MARF1: variants seen among roughly 807,000 people sequenced by gnomAD.
The protein encoded by MARF1 is limkain-b1.
In MARF1, 24 loss-of-function variants were observed where a neutral mutation model predicts 168.2. That is an observed-to-expected ratio of 0.14 (90% CI 0.10 to 0.20). The LOEUF is 0.20. MARF1 is among the 10% of genes least tolerant of loss of function. The pLI is 1.00. For synonymous variants in MARF1, 868 were observed against 822.4 expected (o/e 1.06, Z -0.95); for missense variants, 1,744 against 2,143.6 (o/e 0.81, Z 3.68).
intron 20 of MARF1, among the ~76,000 whole-genome samples, chr16:15,609,100 A>T (rs1462338236): frequency 6.6e-6 from 1 of 152,134 alleles, no homozygotes; most frequent in Non-Finnish European, 1.5e-5. Flanking sequence ...TTAGCTGGGC[A>T]TGGTGGCGGG....
rs527355658 is a variant in MARF1 at position 15,600,586 on chromosome 16, T to C, written c.4688-33A>G. On this transcript the variant is annotated intron_variant, in intron 24 of 26. Transcript: ENST00000396368. ...ACAAAGAGCACCCGTCAGAGAGAAA[T>C]GTCAGTGAGAGAACCGTGATTTTTT... 13 of 1,614,146 alleles carry C rather than the reference T, an allele frequency of 8.1e-6. No homozygotes were observed. In the East Asian group the frequency reaches 1.6e-4, roughly 19 times the overall value.
At chr16:15,625,287 C>G (rs2034768168) in intron 8 of MARF1, 85 bp downstream of exon 8, 1 of 1,547,194 alleles carries the variant, frequency 6.5e-7, no homozygotes, top group African/African-American at 1.4e-5. Flanking sequence ...CAAAAAGGGA[C>G]ACGCCAAAAG....
At chr16:15,612,495 G>T in intron 17 of MARF1, 62 bp downstream of exon 17, 2 of 1,397,684 alleles carry the variant, frequency 1.4e-6, no homozygotes, top group Non-Finnish European at 1.0e-6. Flanking sequence ...TTTGATGGAG[G>T]CAGCCAAAGC....
At position 15,625,394 on chromosome 16, in the gene MARF1, T is replaced by G. The variant is rs2034775641; in HGVS notation, c.1931A>C (p.Asn644Thr). 4 of 1,603,878 alleles carry G rather than the reference T, an allele frequency of 2.5e-6. No individual in the cohort carries two copies. Among genetic ancestry groups the G allele is most frequent in the African/African-American group, 2.7e-5 (2 of 74,254 alleles). ...SQANSGSATK[N>T]TNVKSLQELC... ...TACCTGTAAACTTTTAACATTTGTA[T>G]TTTTTGTAGCAGATCCAGAATTTGC... is the stretch of plus-strand genomic sequence containing the variant. The change falls in exon 8 of 27, where the codon AAT becomes ACT. Residue 644 changes from asparagine (N) to threonine (T), a missense_variant. Asn to Thr is a moderately conservative substitution (Grantham distance 65). Transcript: ENST00000396368.
In MARF1 at chr16:15,624,787, G is replaced by T. The variant is rs1465301155; in HGVS notation, c.2252C>A (p.Ser751Tyr). Residue 751 changes from serine to tyrosine, a missense_variant, in exon 10 of 27, where the codon TCT (serine) becomes TAT (tyrosine). Ser to Tyr is a moderately radical substitution (Grantham distance 144, BLOSUM62 -2). Transcript: ENST00000396368. Reference protein sequence around the residue: ...ASRQVSPLLASQSWSSRSMSP... With the variant: ...ASRQVSPLLAYQSWSSRSMSP... ...GACTCACCTAGAAGACCAAGACTGA[G>T]ATGCGAGCAGAGGACTGACTTGCCT... 6.2e-7 allele frequency: 1 copy of T among 1,614,176 alleles called. No homozygotes were observed. The highest frequency in any genetic ancestry group is 1.7e-5 in the Admixed American group (1 of 60,026).
chr16:15,602,179 C>T lies in MARF1; in HGVS notation c.4438G>A (p.Glu1480Lys), dbSNP rs1244080331. 1.2e-6 allele frequency: 2 copies of T among 1,614,154 alleles called. No homozygotes were observed. The highest frequency in any genetic ancestry group is 1.7e-5 in the Admixed American group (1 of 60,024). ...TACAGACTTGTGAGCTTCACACATTCTTCCATCTTATCATTAGTGAAAACC... is the reference window on the plus strand; with the variant it reads ...TACAGACTTGTGAGCTTCACACATTTTTCCATCTTATCATTAGTGAAAACC... ...VEVFTNDKME[E>K]CVKLTSLYLF... The change falls in exon 23 of 27, where the codon GAA (glutamate) becomes AAA (lysine). Residue 1480 changes from glutamate to lysine, a missense_variant. Glu to Lys is a moderately conservative substitution (Grantham distance 56). Transcript: ENST00000396368.
intron 23 of MARF1, chr16:15,601,733 C>G: frequency 1.8e-6 from 1 of 559,402 alleles, no homozygotes; most frequent in South Asian, 2.2e-5. Context: ...GGTCTTGACT[C>G]TCCCATTAAC....
At chr16:15,629,945 T>C (rs566808435) in intron 7 of MARF1, among the ~76,000 whole-genome samples, 9 of 152,330 alleles carry the variant, frequency 5.9e-5, no homozygotes, top group African/African-American at 1.9e-4. Flanking sequence ...ACTTATTTGG[T>C]GCCAACCACA....
At chr16:15,605,175 C>T (rs1458720723) in intron 21 of MARF1, among the ~76,000 whole-genome samples, 1 of 152,174 alleles carries the variant, frequency 6.6e-6, no homozygotes, top group Non-Finnish European at 1.5e-5. Context: ...CAAAAACAGG[C>T]AGAGCTTTGG....
intron 12 of MARF1, among the ~76,000 whole-genome samples, chr16:15,620,845 T>C (rs1381316309): frequency 1.3e-5 from 2 of 152,182 alleles, no homozygotes; most frequent in African/African-American, 2.4e-5. Context: ...TTGTTAGATA[T>C]ATGTGATTGG....
chr16:15,599,149 G>C (rs866719225), intron 25 of MARF1, 125 bp from the exon 26 acceptor site: 4 of 493,992 alleles, frequency 8.1e-6, no homozygotes, highest in African/African-American at 7.8e-5. Context: ...AAGTATTTAA[G>C]GTATTAAAAA....
chr16:15,617,922 T>G (rs2034185453), intron 13 of MARF1, among the ~76,000 whole-genome samples: 1 of 152,120 alleles, frequency 6.6e-6, no homozygotes, highest in Non-Finnish European at 1.5e-5. Flanking sequence ...TCCGTGACCC[T>G]CTCAACTCTC....
chr16:15,615,119 C>T (rs2033937441), intron 16 of MARF1, among the ~76,000 whole-genome samples: 1 of 152,114 alleles, frequency 6.6e-6, no homozygotes, highest in African/African-American at 2.4e-5. Context: ...ACTGGCAAGC[C>T]AAAAGCTTCA....
In MARF1 at chr16:15,602,615, GGA is replaced by G. The variant is rs755583452; in HGVS notation, c.4414-414_4414-413del. ...AAAAAAGACAAAGAAGAAGAAAGGA[GGA>G]GGAGGAAGGAAAGAAGGAAGAGGAG... On this transcript the variant is annotated intron_variant, in intron 22 of 26. Transcript: ENST00000396368. 7 of 459,480 alleles carry G rather than the reference GGA, an allele frequency of 1.5e-5. 1 individual carries two copies. Among genetic ancestry groups the G allele is most frequent in the South Asian group, 7.8e-5 (5 of 64,436 alleles). The allele number at this position is 459,480 out of a possible 1,614,324, so 28.5% of individuals were successfully genotyped here. A position where few individuals can be genotyped will look rare whatever the true frequency, so the allele number is the denominator to read the frequency against.
intron 7 of MARF1, among the ~76,000 whole-genome samples, chr16:15,626,886 C>T (rs2034883140): frequency 1.3e-5 from 2 of 151,104 alleles, no homozygotes; most frequent in South Asian, 4.2e-4. Flanking sequence ...TTTGCCTGAA[C>T]CCAGGAGGCG....
Position 15,625,005 on chromosome 16 carries a change from G to C in MARF1, c.2111+11C>G. 1 of 1,614,122 alleles carries C rather than the reference G, an allele frequency of 6.2e-7. No individual in the cohort carries two copies. Among genetic ancestry groups the C allele is most frequent in the Middle Eastern group, 1.6e-4 (1 of 6,062 alleles). On this transcript the variant is annotated intron_variant, in intron 9 of 26. Coordinates refer to ENST00000396368, the MANE Select transcript of MARF1 (RefSeq NM_014647.4). ...CAAGAAGCAGCTATGAGAAAGAGTA[G>C]TTTCACATACTTCTGACTGGTTTTG...
chr16:15,636,477 G>T, intron 2 of MARF1, 135 bp from the exon 3 acceptor site: 1 of 652,072 alleles, frequency 1.5e-6, no homozygotes. Context: ...GAACAAAATG[G>T]AATCACAGCT....
intron 6 of MARF1, among the ~76,000 whole-genome samples, chr16:15,631,105 G>A (rs2035224391): frequency 6.6e-6 from 1 of 151,878 alleles, no homozygotes; most frequent in Admixed American, 6.6e-5. Context: ...ACTCCAGCCT[G>A]GGCAACAAAA....
In MARF1 at chr16:15,643,102, A is replaced by T. The variant is rs1337957302; in HGVS notation, c.-143T>A. On this transcript the variant is annotated 5_prime_UTR_variant, in exon 1 of 27. Transcript: ENST00000396368. ...CCCAGGCCCTTTGTTTTGATTCCCG[A>T]CTCCGCAGCTCCCGCCGCCGCCGCC... 4.6e-6 allele frequency: 1 copy of T among 218,440 alleles called. No homozygotes were observed. The allele number at this position is 218,440 out of a possible 1,614,324, so 13.5% of individuals were successfully genotyped here.
Sources: allele counts gnomAD v4.1 joint callset (sites outside exome capture counted in the v4.1 genomes callset), GRCh38; gene constraint gnomAD v4.1.1; transcripts MANE v1.5; gene names NCBI Gene and HGNC (gene_info 2026-07-23, HGNC 2026-07-21).